The following CUX1 variants were observed in gnomAD, a reference collection of about 807,000 sequenced individuals.
CUX1 encodes the protein protein CASP.
A neutral mutation model predicts 158.8 loss-of-function variants in CUX1; 31 were observed. The ratio of observed to expected loss-of-function variants is 0.20; its 90% CI spans 0.15 to 0.26. The LOEUF (loss-of-function observed/expected upper bound fraction) is 0.26, where lower values mean the gene tolerates loss of function less well. Ranked by LOEUF, CUX1 falls within the 10% of genes least tolerant of loss-of-function variation. CUX1 has a pLI of 1.00. For missense variants in CUX1, 1,589 were observed against 2,014.6 expected (o/e 0.79, Z 4.04); for synonymous variants, 879 against 862.1 (o/e 1.02, Z -0.34).
chr7:102,080,820 A>T (rs1244896656), intron 4 of CUX1, among the ~76,000 whole-genome samples: 2 of 152,182 alleles, frequency 1.3e-5, no homozygotes, highest in African/African-American at 4.8e-5. Context: ...CTTCAGAGTG[A>T]TCCGAAGAAC....
At chr7:102,282,901 C>A in intron 22 of CUX1, 2 of 759,824 alleles carry the variant, frequency 2.6e-6, no homozygotes, top group South Asian at 1.5e-5. Flanking sequence ...CCCATTCTGG[C>A]CCTCCCCCTA....
intron 10 of CUX1, among the ~76,000 whole-genome samples, chr7:102,174,949 CA>C (rs1177141548): frequency 6.6e-6 from 1 of 151,960 alleles, no homozygotes; most frequent in East Asian, 1.9e-4. Context: ...GACTCCATCT[CA>C]AAAAACAAAA....
Position 102,234,226 on chromosome 7 carries a change from G to A in CUX1, c.3608G>A (p.Arg1203Gln), listed in dbSNP as rs1253140325. The A allele has an allele frequency of 5.1e-6, 8 of 1,556,010 alleles. No individual in the cohort carries two copies. The highest frequency in any genetic ancestry group is 6.9e-6 in the Non-Finnish European group (8 of 1,151,952). The change falls in exon 22 of 24, where the codon CGG becomes CAG. Residue 1203 changes from arginine (R) to glutamine (Q), a missense_variant. By Grantham distance (43) the Arg-to-Gln change is conservative. Around this residue, in one of 8 missense-constraint regions of CUX1, gnomAD observed 259 missense variants for 373.8 expected, o/e 0.69. Transcript: ENST00000292535. ...NNVEKLMDMK[R>Q]MEKKAYMKRR... ...GTGGAGAAGCTGATGGACATGAAAC[G>A]GATGGAGAAGAAAGGTAAGTCTCCC...
In CUX1 at chr7:102,196,986, A is replaced by G. The variant is rs1554518547; in HGVS notation, c.1575A>G (p.Gln525=). 6.2e-7 allele frequency: 1 copy of G among 1,614,078 alleles called. No homozygotes were observed. Among genetic ancestry groups the G allele is most frequent in the Non-Finnish European group, 8.5e-7 (1 of 1,180,040 alleles). ...NSISSQSPLQ[Q]SPDVNGMAPS... is the part of the protein sequence containing the mutation. ...TATCTTCCCAAAGTCCATTACAACA[A>G]AGCCCAGATGTCAATGGCATGGCCC... Residue 525 remains glutamine (Q), a synonymous_variant, in exon 15 of 24, where the codon CAA becomes CAG. Coordinates refer to ENST00000292535, the MANE Select transcript of CUX1 (RefSeq NM_181552.4).
At chr7:101,882,571 A>C (rs1226708921) in intron 1 of CUX1, among the ~76,000 whole-genome samples, 4 of 152,238 alleles carry the variant, frequency 2.6e-5, no homozygotes, top group African/African-American at 4.8e-5. Flanking sequence ...CTTGGTCTTC[A>C]TTCAGGCTAG....
At chr7:102,029,484 G>A (rs1473692847) in intron 3 of CUX1, among the ~76,000 whole-genome samples, 1 of 152,112 alleles carries the variant, frequency 6.6e-6, no homozygotes, top group Admixed American at 6.6e-5. Flanking sequence ...AAGTTGTCGG[G>A]CTTCCATTTG....
At chr7:102,194,004 C>T (rs782750243) in intron 13 of CUX1, 114 bp downstream of exon 13, 24 of 999,592 alleles carry the variant, frequency 2.4e-5, no homozygotes, top group Admixed American at 4.2e-5. Flanking sequence ...CACTTACAGC[C>T]GATGAGTCAT....
rs1191690329 is a variant in CUX1 at position 102,070,599 on chromosome 7, G to A, written c.268+182G>A. On this transcript the variant is annotated intron_variant, in intron 4 of 23. Coordinates refer to ENST00000292535, the MANE Select transcript of CUX1 (RefSeq NM_181552.4). Reference sequence around the variant, plus strand: ...CTTCACAACCCAGACTTTGGGTACGGAGGGAAATTGGATGCACTTGTTGAA... The same window carrying A: ...CTTCACAACCCAGACTTTGGGTACGAAGGGAAATTGGATGCACTTGTTGAA... 7.9e-5 allele frequency among the ~76,000 whole-genome samples: 12 copies of A among 152,192 alleles called. No individual in the cohort carries two copies. In the East Asian group the frequency reaches 2.3e-3, roughly 29 times the overall value.
intron 8 of CUX1, among the ~76,000 whole-genome samples, chr7:102,119,629 C>T (rs868954223): frequency 1.3e-5 from 2 of 152,302 alleles, no homozygotes; most frequent in Non-Finnish European, 2.9e-5. Flanking sequence ...TTTGCCAAAA[C>T]AGTTGTTGTG....
intron 2 of CUX1, among the ~76,000 whole-genome samples, chr7:101,962,959 G>A (rs1384798603): frequency 6.6e-6 from 1 of 152,112 alleles, no homozygotes; most frequent in Non-Finnish European, 1.5e-5. Flanking sequence ...GGCCTCAAGT[G>A]ATCCTCCTCC....
chr7:101,839,914 A>G (rs2970462), intron 1 of CUX1, among the ~76,000 whole-genome samples: 27,005 of 152,044 alleles, frequency 0.18, 2,562 homozygotes, highest in African/African-American at 0.23. Context: ...GGCATGCGCC[A>G]CCACACCTGG....
chr7:101,907,720 C>T (rs1802919038), intron 1 of CUX1, among the ~76,000 whole-genome samples: 1 of 152,020 alleles, frequency 6.6e-6, no homozygotes. Context: ...AAATGGAGCC[C>T]ACGAAGAGAA....
At chr7:101,997,674 C>T (rs1320657007) in intron 2 of CUX1, among the ~76,000 whole-genome samples, 2 of 152,130 alleles carry the variant, frequency 1.3e-5, no homozygotes, top group Non-Finnish European at 2.9e-5. Flanking sequence ...CTAATACCTA[C>T]TTGTGTCCCG....
chr7:102,175,016 A>T (rs1484981443), intron 10 of CUX1, among the ~76,000 whole-genome samples: 1 of 152,186 alleles, frequency 6.6e-6, no homozygotes, highest in Non-Finnish European at 1.5e-5. Flanking sequence ...CCAAGGTCTT[A>T]CTGCTTTGGG....
Position 102,265,595 on chromosome 7 carries a change from C to T in CUX1, c.1256-7771C>T, listed in dbSNP as rs781851672. 1.2e-4 allele frequency among the ~76,000 whole-genome samples: 18 copies of T among 151,842 alleles called. 1 individual carries two copies. Among genetic ancestry groups the T allele is most frequent in the Non-Finnish European group, 2.1e-4 (14 of 67,960 alleles). On this transcript the variant is annotated intron_variant, in intron 14 of 22. Coordinates refer to the CUX1 transcript ENST00000292538. The stretch of plus-strand genomic sequence containing the variant: ...AGGGACAGGCGTGCACCACCACACA[C>T]GGCTAATATTTTAATTTTTTGTAGC...
intron 1 of CUX1, among the ~76,000 whole-genome samples, chr7:101,846,524 GGC>G (rs1795703642): frequency 6.6e-6 from 1 of 152,022 alleles, no homozygotes. Context: ...TTTTTGTAAA[GGC>G]GATGTTGTTC....
chr7:102,093,972 C>T (rs996414702), intron 4 of CUX1, among the ~76,000 whole-genome samples: 4 of 152,250 alleles, frequency 2.6e-5, no homozygotes, highest in South Asian at 2.1e-4. Context: ...AGGCATCTGA[C>T]GTTCGCATAA....
In CUX1 at chr7:102,084,858, C is replaced by CTTTTTTTT. The variant is rs60908109; in HGVS notation, c.269-12489_269-12482dup. 7.5e-4 allele frequency among the ~76,000 whole-genome samples: 42 copies of CTTTTTTTT among 56,050 alleles called. 1 individual carries two copies. Among genetic ancestry groups the CTTTTTTTT allele is most frequent in the Non-Finnish European group, 9.9e-4 (30 of 30,382 alleles). 36.8% of individuals were successfully genotyped at this position (56,050 alleles called of 152,430 possible). ...TAATGCTGTATATTTATTTTCCTTG[C>CTTTTTTTT]TTTTTTTTTTTTTTTTTTTTTTTTG... On this transcript the variant is annotated intron_variant, in intron 4 of 23. Transcript: ENST00000292535.
At chr7:102,221,539 G>A (rs1051205399) in intron 20 of CUX1, among the ~76,000 whole-genome samples, 30 of 152,210 alleles carry the variant, frequency 2.0e-4, no homozygotes, top group African/African-American at 7.2e-4. Flanking sequence ...GAGAATTACG[G>A]CGGGTGCGGG....
Sources: gnomAD v4.1 joint callset for allele counts (sites outside exome capture counted in the v4.1 genomes callset) on GRCh38, gnomAD v4.1.1 for gene constraint, gnomAD v4.1.1 regional missense constraint, MANE v1.5 for transcripts, NCBI Gene and HGNC (gene_info 2026-07-23, HGNC 2026-07-21) for gene names.